The following SYT10 variants were observed in gnomAD, a reference collection of about 807,000 sequenced individuals.
SYT10 encodes the protein synaptotagmin 10, also known as synaptotagmin-10.
A neutral mutation model predicts 51.1 loss-of-function variants in SYT10; 31 were observed. That is an observed-to-expected ratio of 0.61 (90% CI 0.46 to 0.82). The LOEUF (loss-of-function observed/expected upper bound fraction) is 0.82, where lower values mean the gene tolerates loss of function less well. Among genes scored for constraint, SYT10 ranks in the 40% least tolerant of loss-of-function variants. The pLI is 0.00. For missense variants in SYT10, 603 were observed against 634.0 expected, an observed-to-expected ratio of 0.95 and a Z score of 0.53; for synonymous variants, 233 against 225.9, an observed-to-expected ratio of 1.03 and a Z score of -0.28.
In SYT10 at chr12:33,439,655, G is replaced by C. The variant is rs73313956; in HGVS notation, c.-133C>G. 120,496 of 1,149,258 alleles carry C rather than the reference G, an allele frequency of 0.1. 7,003 individuals are homozygous for C. Among genetic ancestry groups the C allele is most frequent in the Admixed American group, 0.2 (7,943 of 40,178 alleles). The allele number at this position is 1,149,258 out of a possible 1,614,324, so 71.2% of individuals were successfully genotyped here. A position where few individuals can be genotyped will look rare whatever the true frequency, so the allele number is the denominator to read the frequency against. On this transcript the variant is annotated 5_prime_UTR_variant, in exon 1 of 7. Transcript: ENST00000228567. The stretch of plus-strand genomic sequence containing the variant: ...CTTTGGCTGGAGATTGCGCCGCTGA[G>C]AGCCGGCAACTCTTAGGAGCCCCAC...
intron 3 of SYT10, among the ~76,000 whole-genome samples, chr12:33,392,118 T>G (rs925643984): frequency 6.6e-6 from 1 of 152,200 alleles, no homozygotes; most frequent in Non-Finnish European, 1.5e-5. Flanking sequence ...TATCTATTAG[T>G]TTTATTGGAC....
rs1045981379 is a variant in SYT10, at chr12:33,423,795, C to A, written c.509+2343G>T. The A allele has an allele frequency of 2.4e-5, 9 of 370,456 alleles. No homozygotes were observed. In the Admixed American group the frequency reaches 2.6e-4, roughly 11 times the overall value. 22.9% of individuals were successfully genotyped at this position (370,456 alleles called of 1,614,324 possible). ...CGTTTATGCTTAATATGTGTTCATCCATCTGGATAAATTTGAATTCTTACT... is the reference window on the plus strand; with the variant it reads ...CGTTTATGCTTAATATGTGTTCATCAATCTGGATAAATTTGAATTCTTACT... On this transcript the variant is annotated intron_variant, in intron 2 of 6. Transcript: ENST00000228567.
chr12:33,396,765 C>A (rs1866259597), intron 3 of SYT10, among the ~76,000 whole-genome samples: 2 of 151,524 alleles, frequency 1.3e-5, no homozygotes, highest in Admixed American at 1.3e-4. Context: ...CTCACTGCAA[C>A]CTCCACCTCC....
At chr12:33,439,252 A>G in intron 1 of SYT10, 120 bp downstream of exon 1, 1 of 1,313,326 alleles carries the variant, frequency 7.6e-7, no homozygotes, top group Non-Finnish European at 1.0e-6. Flanking sequence ...GAGGTAGGAA[A>G]GCGTGGCGCC....
intron 3 of SYT10, among the ~76,000 whole-genome samples, chr12:33,400,622 T>C (rs1220669009): frequency 6.6e-6 from 1 of 152,050 alleles, no homozygotes; most frequent in Non-Finnish European, 1.5e-5. Context: ...TAAATACATA[T>C]GCAAATGAAG....
chr12:33,390,950 T>G (rs534950642), intron 3 of SYT10, among the ~76,000 whole-genome samples: 2 of 152,118 alleles, frequency 1.3e-5, no homozygotes, highest in South Asian at 4.1e-4. Context: ...TGTTGTTTTG[T>G]TTTTTTGAGA....
chr12:33,413,369 GAC>G (rs1172724143), intron 2 of SYT10, among the ~76,000 whole-genome samples: 1 of 152,076 alleles, frequency 6.6e-6, no homozygotes, highest in Non-Finnish European at 1.5e-5. Flanking sequence ...GCAACTCCAA[GAC>G]ACATAATTGT....
At chr12:33,394,996 G>A (rs10844578) in intron 3 of SYT10, among the ~76,000 whole-genome samples, 30,402 of 152,160 alleles carry the variant, frequency 0.2, 3,294 homozygotes, top group South Asian at 0.26. Context: ...GCTGAGGCAG[G>A]AGAACGGCGT....
intron 1 of SYT10, among the ~76,000 whole-genome samples, chr12:33,429,350 G>C (rs951117488): frequency 6.6e-6 from 1 of 152,264 alleles, no homozygotes; most frequent in Admixed American, 6.5e-5. Context: ...TGGAATATTT[G>C]GGAATAGTTT....
intron 3 of SYT10, among the ~76,000 whole-genome samples, chr12:33,387,676 A>T (rs1230647743): frequency 2.0e-5 from 3 of 151,742 alleles, no homozygotes; most frequent in South Asian, 2.1e-4. Flanking sequence ...CCCATAGAAG[A>T]GGGTTGAAGA....
intron 3 of SYT10, among the ~76,000 whole-genome samples, chr12:33,392,778 G>A (rs556511290): frequency 1.1e-4 from 16 of 151,616 alleles, no homozygotes; most frequent in Admixed American, 4.6e-4. Context: ...CAGGAACGGG[G>A]CAAAGAACAT....
Position 33,376,618 on chromosome 12 carries a change from C to T in SYT10, c.*212G>A. On this transcript the variant is annotated 3_prime_UTR_variant, in exon 7 of 7. Coordinates refer to ENST00000228567, the MANE Select transcript of SYT10 (RefSeq NM_198992.4). The stretch of plus-strand genomic sequence containing the variant: ...GCATTTGATACGAAGGATAAAATGC[C>T]TTATGCAACTAAGGACTATATGTAT... 1.8e-6 allele frequency: 1 copy of T among 544,406 alleles called. No homozygotes were observed. The highest frequency in any genetic ancestry group is 2.9e-5 in the East Asian group (1 of 34,784). The allele number at this position is 544,406 out of a possible 1,614,324, so 33.7% of individuals were successfully genotyped here. A position where few individuals can be genotyped will look rare whatever the true frequency, so the allele number is the denominator to read the frequency against.
chr12:33,397,337 A>G (rs1866265133), intron 3 of SYT10, among the ~76,000 whole-genome samples: 1 of 152,156 alleles, frequency 6.6e-6, no homozygotes. Context: ...AGAGGCTGTC[A>G]TGACCACTAG....
chr12:33,404,746 G>T (rs1241711044), intron 3 of SYT10: 1 of 152,126 alleles, frequency 6.6e-6, no homozygotes, highest in Non-Finnish European at 1.5e-5. Flanking sequence ...TACATTTGTG[G>T]TAATTTCTAA....
At chr12:33,386,149 T>C (rs905342485) in intron 3 of SYT10, among the ~76,000 whole-genome samples, 6 of 152,122 alleles carry the variant, frequency 3.9e-5, no homozygotes, top group African/African-American at 1.4e-4. Flanking sequence ...GCCACCTGAG[T>C]AGCTGGGATT....
intron 3 of SYT10, chr12:33,405,823 T>C (rs1257020868): frequency 6.6e-6 from 1 of 151,050 alleles, no homozygotes; most frequent in Non-Finnish European, 1.5e-5. Context: ...CTTCTCTAAT[T>C]CCACTTCTAT....
intron 3 of SYT10, among the ~76,000 whole-genome samples, chr12:33,402,681 T>C (rs1565494360): frequency 6.6e-6 from 1 of 152,170 alleles, no homozygotes; most frequent in African/African-American, 2.4e-5. Flanking sequence ...TTGAATCAAA[T>C]GCAGTAGAAC....
chr12:33,422,890 T>C (rs766796671), intron 2 of SYT10, among the ~76,000 whole-genome samples: 3 of 152,104 alleles, frequency 2.0e-5, no homozygotes, highest in African/African-American at 4.8e-5. Context: ...TTTACAGAAA[T>C]TGTCACAGAT....
chr12:33,413,487 G>A (rs1225781289), intron 2 of SYT10, among the ~76,000 whole-genome samples: 20 of 152,224 alleles, frequency 1.3e-4, no homozygotes, highest in Middle Eastern at 3.4e-3. Flanking sequence ...TGGATCTCTC[G>A]GCAGAAACTC....
Sources: gnomAD v4.1 joint callset for allele counts (sites outside exome capture counted in the v4.1 genomes callset) on GRCh38, gnomAD v4.1.1 for gene constraint, MANE v1.5 for transcripts, NCBI Gene and HGNC (gene_info 2026-07-23, HGNC 2026-07-21) for gene names.